Variants in RIC8B observed in about 807,000 individuals in gnomAD.
RIC8B encodes the protein chaperone Ric-8B.
A neutral mutation model predicts 57.5 loss-of-function variants in RIC8B; 16 were observed. That is an observed-to-expected ratio of 0.28 (90% CI 0.19 to 0.42). The LOEUF (loss-of-function observed/expected upper bound fraction) is 0.42, where lower values mean the gene tolerates loss of function less well. Among genes scored for constraint, RIC8B ranks in the 10% least tolerant of loss-of-function variants. The pLI is 1.00. For synonymous variants in RIC8B, 216 were observed against 250.8 expected (o/e 0.86, Z 1.31); for missense variants, 481 against 677.0 (o/e 0.71, Z 3.21).
At chr12:106,818,564 C>T (rs1370201672) in intron 3 of RIC8B, among the ~76,000 whole-genome samples, 2 of 152,124 alleles carry the variant, frequency 1.3e-5, no homozygotes, top group Non-Finnish European at 2.9e-5. Context: ...GGGCTCAAGC[C>T]GTCCTCCTGA....
rs535783024 is a variant in RIC8B, at chr12:106,784,619, T to C, written c.132+575T>C. 5.9e-5 allele frequency among the ~76,000 whole-genome samples: 9 copies of C among 152,220 alleles called. No individual in the cohort carries two copies. In the South Asian group the frequency reaches 1.9e-3, roughly 32 times the overall value. On this transcript the variant is annotated intron_variant, in intron 2 of 9. Transcript: ENST00000392837. ...TTAAGTGATCCCTCCTGCCTTAACCTCCCAAAGTGCTGGGATTACAGGTGT... is the reference window on the plus strand; with the variant it reads ...TTAAGTGATCCCTCCTGCCTTAACCCCCCAAAGTGCTGGGATTACAGGTGT...
intron 4 of RIC8B, among the ~76,000 whole-genome samples, chr12:106,839,897 G>A (rs1019827264): frequency 1.1e-4 from 16 of 151,820 alleles, no homozygotes; most frequent in African/African-American, 4.8e-5. Context: ...GTGTGCGTGT[G>A]GTCCCAGCTA....
At chr12:106,861,049 A>G in intron 8 of RIC8B, among the ~76,000 whole-genome samples, 1 of 152,048 alleles carries the variant, frequency 6.6e-6, no homozygotes, top group Non-Finnish European at 1.5e-5. Context: ...TTATCCCAAG[A>G]TAAACCACCT....
At chr12:106,881,073 A>T (rs1335152082) in intron 9 of RIC8B, among the ~76,000 whole-genome samples, 1 of 152,230 alleles carries the variant, frequency 6.6e-6, no homozygotes, top group Non-Finnish European at 1.5e-5. Flanking sequence ...AGGATCTGCT[A>T]TCTGCAAGGC....
intron 2 of RIC8B, among the ~76,000 whole-genome samples, chr12:106,792,578 A>G (rs943594918): frequency 5.3e-5 from 8 of 152,196 alleles, no homozygotes; most frequent in African/African-American, 1.4e-4. Flanking sequence ...ACAACCATTT[A>G]AAGTCTGGAA....
At chr12:106,832,930 T>A (rs1049813699) in intron 4 of RIC8B, among the ~76,000 whole-genome samples, 1 of 152,178 alleles carries the variant, frequency 6.6e-6, no homozygotes, top group Non-Finnish European at 1.5e-5. Flanking sequence ...GAACTCCTCC[T>A]CTAGTTCTTC....
chr12:106,883,544 C>T (rs1951053036), intron 9 of RIC8B, among the ~76,000 whole-genome samples: 1 of 152,098 alleles, frequency 6.6e-6, no homozygotes, highest in Non-Finnish European at 1.5e-5. Flanking sequence ...AGTCACCATC[C>T]ACTTGGTCAT....
At chr12:106,784,153 T>A in intron 2 of RIC8B, 109 bp downstream of exon 2, 1 of 1,058,778 alleles carries the variant, frequency 9.4e-7, no homozygotes, top group Non-Finnish European at 1.4e-6. Flanking sequence ...TGGTTTCTTG[T>A]TTCCCTTCAT....
At chr12:106,780,906 G>A (rs1202894981) in intron 1 of RIC8B, among the ~76,000 whole-genome samples, 1 of 152,072 alleles carries the variant, frequency 6.6e-6, no homozygotes, top group Non-Finnish European at 1.5e-5. Context: ...AAAAAATAAG[G>A]AAAATTTGAT....
At position 106,814,050 on chromosome 12, in the gene RIC8B, A is replaced by C. The variant is rs145360378; in HGVS notation, c.133-646A>C. ...TTTGTACAGTCTGTGCCCTACAGCA[A>C]GATAACAAAAGAAAGCTAAAATTCT... On this transcript the variant is annotated intron_variant, in intron 2 of 9. Coordinates refer to ENST00000392837, the MANE Select transcript of RIC8B (RefSeq NM_001330145.2). 1.7e-3 allele frequency among the ~76,000 whole-genome samples: 257 copies of C among 152,338 alleles called. 2 individuals carry two copies. The highest frequency in any genetic ancestry group is 5.4e-3 in the African/African-American group (223 of 41,588).
Position 106,880,032 on chromosome 12 carries a change from TAC to T in RIC8B, c.1572-5870_1572-5869del, listed in dbSNP as rs1160394153. The T allele has an allele frequency of 1.2e-5, 10 of 823,960 alleles. No homozygotes were observed. In the Admixed American group the frequency reaches 3.1e-4, roughly 26 times the overall value. 51.0% of individuals were successfully genotyped at this position (823,960 alleles called of 1,614,324 possible). On this transcript the variant is annotated intron_variant, in intron 9 of 9. Transcript: ENST00000392837. ...ACAGTATCTCCGTTTTACCATGATATACATGTATCTGACACATAGCCATCCTT... is the reference window on the plus strand; with the variant it reads ...ACAGTATCTCCGTTTTACCATGATATATGTATCTGACACATAGCCATCCTT...
chr12:106,855,965 A>C (rs979141132), intron 7 of RIC8B, among the ~76,000 whole-genome samples: 1 of 152,024 alleles, frequency 6.6e-6, no homozygotes, highest in African/African-American at 2.4e-5. Context: ...CGACCTTTTC[A>C]TTATCCTTCT....
chr12:106,866,434 T>C (rs1950143788), intron 8 of RIC8B, among the ~76,000 whole-genome samples: 1 of 151,948 alleles, frequency 6.6e-6, no homozygotes, highest in East Asian at 1.9e-4. Context: ...TATATTGTTT[T>C]TTGGGGGAGC....
At chr12:106,825,693 C>A (rs556275371) in intron 3 of RIC8B, 33 bp from the exon 4 acceptor site, 1 of 1,547,634 alleles carries the variant, frequency 6.5e-7, no homozygotes, top group Non-Finnish European at 8.9e-7. Context: ...GCATTCAACC[C>A]CCAATGTTTC....
Position 106,886,227 on chromosome 12 carries a change from CG to C in RIC8B, c.*217del. On this transcript the variant is annotated 3_prime_UTR_variant, in exon 10 of 10. Coordinates refer to ENST00000392837, the MANE Select transcript of RIC8B (RefSeq NM_001330145.2). ...ACAGAGCTGCAGTTAGACGGGGTTACGGGGGCTAAAAGCAGAAAAAAAATTC... is the reference window on the plus strand; with the variant it reads ...ACAGAGCTGCAGTTAGACGGGGTTACGGGGCTAAAAGCAGAAAAAAAATTC... The C allele has an allele frequency of 2.2e-6, 1 of 460,168 alleles. No homozygotes were observed. 28.5% of individuals were successfully genotyped at this position (460,168 alleles called of 1,614,324 possible).
intron 3 of RIC8B, among the ~76,000 whole-genome samples, chr12:106,818,729 G>A (rs2045702308): frequency 1.3e-5 from 2 of 152,088 alleles, no homozygotes; most frequent in South Asian, 2.1e-4. Flanking sequence ...GATTACAGAT[G>A]TAAGCTACTA....
chr12:106,803,138 G>C (rs909888460), intron 2 of RIC8B, among the ~76,000 whole-genome samples: 2 of 146,692 alleles, frequency 1.4e-5, no homozygotes, highest in Non-Finnish European at 3.0e-5. Flanking sequence ...TTTGAGCCCC[G>C]GAGTTCGAAG....
intron 4 of RIC8B, among the ~76,000 whole-genome samples, chr12:106,834,372 A>G (rs547700749): frequency 1.3e-5 from 2 of 152,346 alleles, no homozygotes; most frequent in East Asian, 3.9e-4. Flanking sequence ...TCATTTTACA[A>G]GAATTGGTTT....
chr12:106,788,205 C>G (rs1160016165), intron 2 of RIC8B, among the ~76,000 whole-genome samples: 1 of 152,222 alleles, frequency 6.6e-6, no homozygotes, highest in Non-Finnish European at 1.5e-5. Context: ...TGTCTCACAT[C>G]TAGGTCACGG....
Sources: allele counts gnomAD v4.1 joint callset (sites outside exome capture counted in the v4.1 genomes callset), GRCh38; gene constraint gnomAD v4.1.1; transcripts MANE v1.5; gene names NCBI Gene and HGNC (gene_info 2026-07-23, HGNC 2026-07-21).